The following RAB4A variants were observed in gnomAD, a reference collection of about 807,000 sequenced individuals.
RAB4A encodes the protein ras-related protein Rab-4A.
Under a neutral mutation model 34.5 loss-of-function variants are expected in RAB4A, and 20 were observed. The ratio of observed to expected loss-of-function variants is 0.58; its 90% CI spans 0.41 to 0.84. The LOEUF is 0.84. Among genes scored for constraint, RAB4A ranks in the 40% least tolerant of loss-of-function variants. RAB4A has a pLI of 0.00. For missense variants in RAB4A, 228 were observed against 274.5 expected (o/e 0.83, Z 1.20); for synonymous variants, 102 against 100.0 (o/e 1.02, Z -0.12).
intron 1 of RAB4A, among the ~76,000 whole-genome samples, chr1:229,276,077 A>G (rs1222921500): frequency 6.6e-6 from 1 of 151,516 alleles, no homozygotes; most frequent in Admixed American, 6.5e-5. Flanking sequence ...AAAACAAAGG[A>G]CATTTCTTCA....
chr1:229,304,322 T>G lies in RAB4A; in HGVS notation c.*529T>G, dbSNP rs1255096510. On this transcript the variant is annotated 3_prime_UTR_variant, in exon 8 of 8. Coordinates refer to ENST00000366690, the MANE Select transcript of RAB4A (RefSeq NM_004578.4). The stretch of plus-strand genomic sequence containing the variant: ...ACTCCGTTTACTACATTCTACATGG[T>G]GTTTACGTGATCCACACTTGAAATA... 1 of 152,082 alleles carries G rather than the reference T, an allele frequency of 6.6e-6. No individual in the cohort carries two copies. The highest frequency in any genetic ancestry group is 1.5e-5 in the Non-Finnish European group (1 of 68,014). 9.4% of individuals were successfully genotyped at this position (152,082 alleles called of 1,614,324 possible).
Position 229,297,651 on chromosome 1 carries a change from ACTTC to A in RAB4A, c.445+16_445+19del. ...TCAAGAAAATGGCAAGTGACCTTTT[ACTTC>A]TTACTATTTTTCAAATCGCATATTT... On this transcript the variant is annotated intron_variant, in intron 5 of 7. Coordinates refer to ENST00000366690, the MANE Select transcript of RAB4A (RefSeq NM_004578.4). The A allele has an allele frequency of 6.4e-7, 1 of 1,555,166 alleles. No individual in the cohort carries two copies. Among genetic ancestry groups the A allele is most frequent in the Non-Finnish European group, 8.7e-7 (1 of 1,154,260 alleles).
chr1:229,290,508 T>A (rs1438089913), intron 3 of RAB4A, among the ~76,000 whole-genome samples: 1 of 152,202 alleles, frequency 6.6e-6, no homozygotes, highest in East Asian at 1.9e-4. Flanking sequence ...TCCAGTCATC[T>A]GAAAGTGAAA....
At chr1:229,301,289 G>A (rs1019953523) in intron 6 of RAB4A, among the ~76,000 whole-genome samples, 1 of 152,056 alleles carries the variant, frequency 6.6e-6, no homozygotes, top group Non-Finnish European at 1.5e-5. Context: ...ATGCTGAGGG[G>A]GAAGGAGAGA....
At chr1:229,302,754 G>T in intron 6 of RAB4A, 108 bp from the exon 7 acceptor site, 1 of 694,740 alleles carries the variant, frequency 1.4e-6, no homozygotes, top group South Asian at 2.0e-5. Flanking sequence ...TCAGAATGGT[G>T]GGATATATAC....
At chr1:229,298,906 A>G in intron 5 of RAB4A, 71 bp from the exon 6 acceptor site, 1 of 1,110,120 alleles carries the variant, frequency 9.0e-7, no homozygotes, top group Non-Finnish European at 1.4e-6. Flanking sequence ...AGAATGCTAC[A>G]CAGGCTTTTG....
intron 3 of RAB4A, chr1:229,289,084 G>A (rs1656996906): frequency 4.7e-6 from 2 of 429,554 alleles, no homozygotes; most frequent in East Asian, 9.8e-5. Context: ...TAATTCGGAG[G>A]CTGACCCATT....
chr1:229,283,575 T>C (rs1215599602), intron 1 of RAB4A, among the ~76,000 whole-genome samples: 1 of 152,142 alleles, frequency 6.6e-6, no homozygotes, highest in East Asian at 1.9e-4. Context: ...CATTGGCATT[T>C]CTGGGTTGCC....
At chr1:229,298,468 C>T (rs1394513610) in intron 5 of RAB4A, among the ~76,000 whole-genome samples, 2 of 152,214 alleles carry the variant, frequency 1.3e-5, no homozygotes, top group East Asian at 3.8e-4. Flanking sequence ...GCAAGCAGAA[C>T]AGGCCTTTCT....
intron 3 of RAB4A, 36 bp from the exon 4 acceptor site, chr1:229,295,812 A>C (rs1657237618): frequency 6.2e-7 from 1 of 1,610,838 alleles, no homozygotes; most frequent in Non-Finnish European, 8.5e-7. Flanking sequence ...AAAGGGTCTC[A>C]ATTGGTTGAA....
chr1:229,300,168 A>G (rs1407373199), intron 6 of RAB4A, among the ~76,000 whole-genome samples: 1 of 152,188 alleles, frequency 6.6e-6, no homozygotes, highest in Non-Finnish European at 1.5e-5. Flanking sequence ...GGGCTGAAGT[A>G]TGGTCGAGGC....
intron 6 of RAB4A, among the ~76,000 whole-genome samples, chr1:229,302,313 T>A (rs75155050): frequency 6.0e-3 from 274 of 45,326 alleles, no homozygotes; most frequent in Non-Finnish European, 9.5e-3. Flanking sequence ...ATATATATTT[T>A]TTTTTTTTTT....
intron 3 of RAB4A, among the ~76,000 whole-genome samples, chr1:229,291,618 C>T (rs1006491365): frequency 6.6e-6 from 1 of 152,122 alleles, no homozygotes; most frequent in Non-Finnish European, 1.5e-5. Flanking sequence ...GTTTGTTTCC[C>T]CTGTGCCCAG....
chr1:229,297,523 C>G lies in RAB4A; in HGVS notation c.332C>G (p.Ala111Gly). Residue 111 changes from alanine (A) to glycine (G), a missense_variant, in exon 5 of 8, where the codon GCC becomes GGC. Coordinates refer to ENST00000366690, the MANE Select transcript of RAB4A (RefSeq NM_004578.4). ...YNALTNWLTD[A>G]RMLASQNIVI... ...GCGCTTACTAATTGGTTAACAGATG[C>G]CCGAATGCTAGCGAGCCAGAACATT... 1 of 1,611,482 alleles carries G rather than the reference C, an allele frequency of 6.2e-7. No homozygotes were observed. Among genetic ancestry groups the G allele is most frequent in the Admixed American group, 1.7e-5 (1 of 59,056 alleles).
chr1:229,281,401 G>A (rs1656772820), intron 1 of RAB4A, among the ~76,000 whole-genome samples: 4 of 151,996 alleles, frequency 2.6e-5, no homozygotes, highest in Admixed American at 2.6e-4. Flanking sequence ...TTCTGTCTCT[G>A]GTTATTTTCT....
At position 229,302,291 on chromosome 1, in the gene RAB4A, A is replaced by T. The variant is rs1558242341; in HGVS notation, c.542-571A>T. Among the ~76,000 whole-genome samples, 85 of 23,048 alleles carry T rather than the reference A, an allele frequency of 3.7e-3. 9 individuals carry two copies. The highest frequency in any genetic ancestry group is 0.016 in the African/African-American group (61 of 3,912). The allele number at this position is 23,048 out of a possible 152,430, so 15.1% of individuals were successfully genotyped here. A position where few individuals can be genotyped will look rare whatever the true frequency, so the allele number is the denominator to read the frequency against. On this transcript the variant is annotated intron_variant, in intron 6 of 7. Coordinates refer to ENST00000366690, the MANE Select transcript of RAB4A (RefSeq NM_004578.4). ...TATATATATATATATATATATATAT[A>T]TATATATATATATATATATTTTTTT...
intron 6 of RAB4A, among the ~76,000 whole-genome samples, chr1:229,300,211 C>G (rs1237892600): frequency 6.6e-6 from 1 of 152,120 alleles, no homozygotes; most frequent in Non-Finnish European, 1.5e-5. Flanking sequence ...TCATGCTGTT[C>G]TAATGTTCAT....
intron 6 of RAB4A, among the ~76,000 whole-genome samples, chr1:229,302,301 ATATATATATTTTTTT>A (rs1657427035): frequency 4.9e-5 from 2 of 40,526 alleles, no homozygotes; most frequent in African/African-American, 1.7e-4. Context: ...ATATATATAT[ATATATATATTTTTTT>A]TTTTTTTTTA....
At chr1:229,300,946 T>C (rs1657371523) in intron 6 of RAB4A, among the ~76,000 whole-genome samples, 1 of 152,096 alleles carries the variant, frequency 6.6e-6, no homozygotes, top group Non-Finnish European at 1.5e-5. Context: ...ATCAAGGGAA[T>C]GTGGGTGTCA....
Sources: allele counts gnomAD v4.1 joint callset (sites outside exome capture counted in the v4.1 genomes callset), GRCh38; gene constraint gnomAD v4.1.1; transcripts MANE v1.5; gene names NCBI Gene and HGNC (gene_info 2026-07-23, HGNC 2026-07-21).